The following EML1 variants were observed in gnomAD, a reference collection of about 807,000 sequenced individuals.
The protein encoded by EML1 is echinoderm microtubule-associated protein-like 1.
Under a neutral mutation model 110.4 loss-of-function variants are expected in EML1, and 27 were observed. That is an observed-to-expected ratio of 0.24 (90% CI 0.18 to 0.34). The LOEUF (loss-of-function observed/expected upper bound fraction) is 0.34, where lower values mean the gene tolerates loss of function less well. EML1 is among the 10% of genes least tolerant of loss of function. EML1 has a pLI of 1.00. For missense variants in EML1, 741 were observed against 1,030.9 expected (o/e 0.72, Z 3.85); for synonymous variants, 344 against 385.8 (o/e 0.89, Z 1.27).
At chr14:99,751,299 T>G (rs2057172198) in intron 1 of EML1, among the ~76,000 whole-genome samples, 1 of 152,040 alleles carries the variant, frequency 6.6e-6, no homozygotes. Context: ...GGAGTAGCCC[T>G]GAGTCAGGTC....
chr14:99,824,211 C>G (rs2058312983), intron 1 of EML1, among the ~76,000 whole-genome samples: 1 of 152,192 alleles, frequency 6.6e-6, no homozygotes, highest in Non-Finnish European at 1.5e-5. Context: ...CCACCCGCCT[C>G]AGCCTCCCAA....
At chr14:99,826,161 G>A in intron 1 of EML1, among the ~76,000 whole-genome samples, 1 of 139,806 alleles carries the variant, frequency 7.2e-6, no homozygotes. Flanking sequence ...CACCCAGGCT[G>A]GAGTGCAGTG....
chr14:99,929,431 G>A (rs2060326493), intron 17 of EML1, among the ~76,000 whole-genome samples: 1 of 152,230 alleles, frequency 6.6e-6, no homozygotes, highest in South Asian at 2.1e-4. Context: ...CCAGATGGTG[G>A]ACTCAGACCC....
chr14:99,923,602 A>T (rs2060170396), intron 17 of EML1, among the ~76,000 whole-genome samples: 1 of 151,566 alleles, frequency 6.6e-6, no homozygotes, highest in African/African-American at 2.4e-5. Flanking sequence ...TCAATCGATC[A>T]GAAATGTAAA....
At chr14:99,911,233 A>G (rs551077498) in intron 12 of EML1, among the ~76,000 whole-genome samples, 189 bp from the exon 13 acceptor site, 1 of 152,256 alleles carries the variant, frequency 6.6e-6, no homozygotes, top group South Asian at 2.1e-4. Context: ...CCTTCATTCT[A>G]AGGTAACCCA....
At chr14:99,793,917 A>G (rs1325483734) in intron 1 of EML1, among the ~76,000 whole-genome samples, 1 of 151,910 alleles carries the variant, frequency 6.6e-6, no homozygotes, top group African/African-American at 2.4e-5. Flanking sequence ...TTCCCGACCC[A>G]CATCTGTTTG....
chr14:99,821,489 T>C (rs1321724601), intron 1 of EML1, among the ~76,000 whole-genome samples: 1 of 152,150 alleles, frequency 6.6e-6, no homozygotes, highest in Non-Finnish European at 1.5e-5. Context: ...CGTCTCTCCC[T>C]CCCTTTTGTC....
In EML1 at chr14:99,784,722, G is replaced by T. The variant is rs917332043; in HGVS notation, c.-27+10709G>T. ...CTCTCCCCCATTCCAGCCCATCCAGGCCGGATGACACACGGGAAAACAAGG... is the reference window on the plus strand; with the variant it reads ...CTCTCCCCCATTCCAGCCCATCCAGTCCGGATGACACACGGGAAAACAAGG... On this transcript the variant is annotated intron_variant, in intron 1 of 22. Transcript: ENST00000327921. The surrounding 1 kb of genome is among the most constrained non-coding windows in gnomAD (Gnocchi z 4.5). Among the ~76,000 whole-genome samples, 1 of 152,236 alleles carries T rather than the reference G, an allele frequency of 6.6e-6. No individual in the cohort carries two copies. The highest frequency in any genetic ancestry group is 1.9e-4 in the East Asian group (1 of 5,198).
Position 99,911,519 on chromosome 14 carries a change from G to A in EML1, c.1437G>A (p.Gly479=). 1.2e-6 allele frequency: 2 copies of A among 1,612,602 alleles called. No individual in the cohort carries two copies. Among genetic ancestry groups the A allele is most frequent in the Non-Finnish European group, 1.7e-6 (2 of 1,179,696 alleles). Residue 479 remains glycine (G), a synonymous_variant, in exon 13 of 22, where the codon GGG becomes GGA. Coordinates refer to ENST00000262233, the MANE Select transcript of EML1 (RefSeq NM_004434.3). ...LRDGTLVSGG[G]KDRKLISWSG... ...ATGGCACACTGGTGTCGGGAGGTGG[G>A]AAAGACCGAAAGCTCATTTCTTGGA...
Position 99,827,719 on chromosome 14 carries a change from A to G in EML1, c.68-23134A>G, listed in dbSNP as rs563671758. Among the ~76,000 whole-genome samples the G allele has an allele frequency of 6.6e-6, 1 of 152,268 alleles. No individual in the cohort carries two copies. Among genetic ancestry groups the G allele is most frequent in the Non-Finnish European group, 1.5e-5 (1 of 68,016 alleles). On this transcript the variant is annotated intron_variant, in intron 1 of 21. Transcript: ENST00000262233. This position sits in a 1 kb window ranked among gnomAD's most constrained non-coding sequence, Gnocchi z 4.4. ...GCCAGCGAGAGAGGCCTCAGAAGAA[A>G]CGAACCCTGCTGACCTTGATCTCAG...
At chr14:99,909,604 GT>G in intron 11 of EML1, 125 bp downstream of exon 11, 1 of 1,231,494 alleles carries the variant, frequency 8.1e-7, no homozygotes, top group Non-Finnish European at 1.1e-6. Context: ...TGGGAAGCGT[GT>G]CACACCTGGT....
At chr14:99,929,814 A>G (rs1476761330) in intron 17 of EML1, among the ~76,000 whole-genome samples, 1 of 152,184 alleles carries the variant, frequency 6.6e-6, no homozygotes, top group East Asian at 1.9e-4. Flanking sequence ...GCCCATCTCC[A>G]AGGTAGCAGC....
chr14:99,742,211 C>T (rs1480711003), intron 1 of EML1, among the ~76,000 whole-genome samples: 1 of 152,216 alleles, frequency 6.6e-6, no homozygotes, highest in Non-Finnish European at 1.5e-5. Flanking sequence ...TGGGTGCCTG[C>T]ACATAGGGTG....
intron 1 of EML1, among the ~76,000 whole-genome samples, chr14:99,763,037 G>T (rs1398253982): frequency 6.6e-6 from 1 of 152,100 alleles, no homozygotes; most frequent in Admixed American, 6.5e-5. Context: ...CATGGGGCAG[G>T]TCTTTCCCAT....
chr14:99,785,355 T>G (rs1224619782), intron 1 of EML1, among the ~76,000 whole-genome samples: 1 of 152,194 alleles, frequency 6.6e-6, no homozygotes, highest in Non-Finnish European at 1.5e-5. Context: ...GCGCCCAGCC[T>G]CCTTTTTCTC....
intron 1 of EML1, among the ~76,000 whole-genome samples, chr14:99,839,931 C>A (rs1262356469): frequency 6.6e-6 from 1 of 152,170 alleles, no homozygotes; most frequent in East Asian, 1.9e-4. Flanking sequence ...TGGAGCCCAG[C>A]CAGGAGTGGT....
chr14:99,912,068 G>C (rs1452014939), intron 13 of EML1, among the ~76,000 whole-genome samples: 1 of 151,616 alleles, frequency 6.6e-6, no homozygotes, highest in Non-Finnish European at 1.5e-5. Context: ...GCTAATTTTT[G>C]TAATTTTGTA....
intron 1 of EML1, among the ~76,000 whole-genome samples, chr14:99,801,274 G>A (rs554428964): frequency 2.6e-5 from 4 of 152,288 alleles, no homozygotes; most frequent in African/African-American, 9.6e-5. Flanking sequence ...GTGGGCGTAG[G>A]ACAATTAAAC....
chr14:99,881,889 G>A (rs572468147), intron 4 of EML1, among the ~76,000 whole-genome samples: 56 of 152,238 alleles, frequency 3.7e-4, no homozygotes, highest in African/African-American at 1.2e-3. Context: ...GTGAGCCACC[G>A]CACCTGGCCA....
Sources: gnomAD v4.1 joint callset for allele counts (sites outside exome capture counted in the v4.1 genomes callset) on GRCh38, gnomAD v4.1.1 for gene constraint, Gnocchi (gnomAD v3.1) non-coding constraint, MANE v1.5 for transcripts, NCBI Gene and HGNC (gene_info 2026-07-23, HGNC 2026-07-21) for gene names.